The following SLC6A6 variants were observed in gnomAD, a reference collection of about 807,000 sequenced individuals.
SLC6A6 encodes sodium- and chloride-dependent taurine transporter.
SLC6A6 carries 16 observed loss-of-function variants against 68.8 expected under a neutral mutation model. The ratio of observed to expected loss-of-function variants is 0.23; its 90% CI spans 0.16 to 0.35. SLC6A6 has a LOEUF of 0.35. Ranked by LOEUF, SLC6A6 falls within the 10% of genes least tolerant of loss-of-function variation. The pLI, the probability that SLC6A6 is intolerant of heterozygous loss-of-function variation, is 1.00. For missense variants in SLC6A6, 474 were observed against 802.8 expected, an observed-to-expected ratio of 0.59 and a Z score of 4.95; for synonymous variants, 312 against 315.4, an observed-to-expected ratio of 0.99 and a Z score of 0.12.
intron 2 of SLC6A6, among the ~76,000 whole-genome samples, chr3:14,427,004 C>T (rs1294140277): frequency 6.6e-6 from 1 of 152,020 alleles, no homozygotes; most frequent in Non-Finnish European, 1.5e-5. Context: ...GTGTACTTTC[C>T]TGGAAAACAC....
intron 2 of SLC6A6, among the ~76,000 whole-genome samples, chr3:14,443,110 A>G (rs1391424882): frequency 6.6e-6 from 1 of 152,198 alleles, no homozygotes; most frequent in Non-Finnish European, 1.5e-5. Context: ...ACAGTTATAA[A>G]TGGTCATCCC....
intron 2 of SLC6A6, 67 bp downstream of exon 2, chr3:14,416,520 G>C: frequency 5.0e-6 from 2 of 398,498 alleles, no homozygotes; most frequent in Non-Finnish European, 8.8e-6. Flanking sequence ...CAAGGTGGGG[G>C]GCTCAGGAGC....
chr3:14,425,204 G>T (rs1699567247), intron 2 of SLC6A6, among the ~76,000 whole-genome samples: 1 of 152,196 alleles, frequency 6.6e-6, no homozygotes. Flanking sequence ...TTTTACAGAT[G>T]ATGCAACTGA....
At chr3:14,442,175 A>G (rs1328514561) in intron 2 of SLC6A6, among the ~76,000 whole-genome samples, 1 of 152,200 alleles carries the variant, frequency 6.6e-6, no homozygotes. Context: ...GAGGAGTATG[A>G]GCTCACTGTG....
chr3:14,432,247 T>G lies in SLC6A6; in HGVS notation c.-11-11377T>G, dbSNP rs563813461. Among the ~76,000 whole-genome samples, 32 of 152,348 alleles carry G rather than the reference T, an allele frequency of 2.1e-4. 1 individual carries two copies. The South Asian group carries it at 6.4e-3, about 31-fold the overall frequency. ...AGGAAATGGCAACCAACCTTTCTCTTTTCTTGAGTTTCTTTTTTGTGGCCT... is the reference window on the plus strand; with the variant it reads ...AGGAAATGGCAACCAACCTTTCTCTGTTCTTGAGTTTCTTTTTTGTGGCCT... On this transcript the variant is annotated intron_variant, in intron 2 of 14. Transcript: ENST00000622186.
intron 2 of SLC6A6, among the ~76,000 whole-genome samples, chr3:14,441,597 G>A (rs980240522): frequency 2.0e-5 from 3 of 152,218 alleles, no homozygotes; most frequent in African/African-American, 4.8e-5. Context: ...GAGGAAGGAG[G>A]TGTGGGGGAA....
Position 14,477,429 on chromosome 3 carries a change from G to A in SLC6A6, c.1347+87G>A. The A allele has an allele frequency of 4.4e-6, 6 of 1,348,444 alleles. No individual in the cohort carries two copies. In the South Asian group the frequency reaches 7.6e-5, roughly 17 times the overall value. 83.5% of individuals were successfully genotyped at this position (1,348,444 alleles called of 1,614,324 possible). On this transcript the variant is annotated intron_variant, in intron 11 of 14. Transcript: ENST00000622186. The surrounding 1 kb of genome is among the most constrained non-coding windows in gnomAD (Gnocchi z 4.2). The stretch of plus-strand genomic sequence containing the variant: ...GTGGAGGCAGCAGCTGGGTGAGAGG[G>A]CCAGGTAGGGGCTTCATCTCCCAGC...
intron 5 of SLC6A6, among the ~76,000 whole-genome samples, chr3:14,455,198 A>T (rs1700341193): frequency 6.6e-6 from 1 of 152,208 alleles, no homozygotes; most frequent in East Asian, 1.9e-4. Flanking sequence ...CTACAAAGGG[A>T]CTACCACCAG....
At chr3:14,407,056 GTT>G (rs35391238) in intron 1 of SLC6A6, among the ~76,000 whole-genome samples, 4 of 149,300 alleles carry the variant, frequency 2.7e-5, no homozygotes, top group Admixed American at 6.7e-5. Flanking sequence ...TTTTCTTGTG[GTT>G]TTTTTTTTTG....
At chr3:14,444,923 C>T in intron 3 of SLC6A6, 1 of 450,368 alleles carries the variant, frequency 2.2e-6, no homozygotes, top group Admixed American at 2.4e-5. Flanking sequence ...GTCCCGCCCC[C>T]ACCGGAGATG....
rs561524630 is a variant in SLC6A6, at chr3:14,472,826, G to A, written c.1209+509G>A. On this transcript the variant is annotated intron_variant, in intron 10 of 14. Transcript: ENST00000622186. This position sits in a 1 kb window ranked among gnomAD's most constrained non-coding sequence, Gnocchi z 4.5. ...TTGCAAGTGCCCAGGAGAAGCCTAC[G>A]CCACACTCAGGATTCTGTGCTCCCT... is the stretch of plus-strand genomic sequence containing the variant. 3.9e-5 allele frequency among the ~76,000 whole-genome samples: 6 copies of A among 152,344 alleles called. No homozygotes were observed. Among genetic ancestry groups the A allele is most frequent in the African/African-American group, 1.2e-4 (5 of 41,574 alleles).
At chr3:14,430,539 T>A (rs890591588) in intron 2 of SLC6A6, among the ~76,000 whole-genome samples, 1 of 152,236 alleles carries the variant, frequency 6.6e-6, no homozygotes, top group African/African-American at 2.4e-5. Context: ...CGGTCCTCCC[T>A]GCATCCTAGC....
At chr3:14,444,654 TG>T in intron 3 of SLC6A6, 1 of 440,244 alleles carries the variant, frequency 2.3e-6, no homozygotes, top group Non-Finnish European at 4.6e-6. Context: ...TCAGCAGAGA[TG>T]GGCATGCCTT....
chr3:14,479,302 A>AC, intron 13 of SLC6A6, 117 bp downstream of exon 13: 1 of 706,034 alleles, frequency 1.4e-6, no homozygotes. Flanking sequence ...TAATAAACCC[A>AC]GCTTCAGCGC....
intron 1 of SLC6A6, among the ~76,000 whole-genome samples, chr3:14,410,141 C>T (rs934946057): frequency 1.1e-4 from 16 of 149,918 alleles, no homozygotes; most frequent in African/African-American, 3.7e-4. Flanking sequence ...CTCGCTACTG[C>T]CCTCCATCCT....
chr3:14,439,451 ATCTGCAG>A (rs1699932971), intron 2 of SLC6A6, among the ~76,000 whole-genome samples: 1 of 152,186 alleles, frequency 6.6e-6, no homozygotes, highest in Non-Finnish European at 1.5e-5. Flanking sequence ...TGACCAGGTG[ATCTGCAG>A]TTGGTTTCAG....
intron 5 of SLC6A6, among the ~76,000 whole-genome samples, chr3:14,451,964 A>G (rs1056871505): frequency 6.6e-6 from 1 of 152,184 alleles, no homozygotes; most frequent in Non-Finnish European, 1.5e-5. Context: ...TATATGCCCC[A>G]GATGCATAGG....
intron 2 of SLC6A6, among the ~76,000 whole-genome samples, chr3:14,434,363 G>C (rs1262073374): frequency 6.6e-6 from 1 of 152,202 alleles, no homozygotes. Flanking sequence ...CCTCCGCAGA[G>C]GGGCCTACTT....
chr3:14,456,100 A>G (rs1700360958), intron 5 of SLC6A6, among the ~76,000 whole-genome samples: 1 of 152,152 alleles, frequency 6.6e-6, no homozygotes, highest in African/African-American at 2.4e-5. Flanking sequence ...GGGCAAGTGG[A>G]CCCACCAAGC....
Sources: allele counts gnomAD v4.1 joint callset (sites outside exome capture counted in the v4.1 genomes callset), GRCh38; gene constraint gnomAD v4.1.1; non-coding constraint Gnocchi (gnomAD v3.1); transcripts MANE v1.5; gene names NCBI Gene and HGNC (gene_info 2026-07-23, HGNC 2026-07-21).